ERICH1: variants seen among roughly 807,000 people sequenced by gnomAD.
ERICH1 encodes the protein glutamate rich 1, also known as glutamate-rich protein 1.
In ERICH1, 56 loss-of-function variants were observed where a neutral mutation model predicts 39.6. That is an observed-to-expected ratio of 1.41 (90% CI 1.14 to 1.77). The LOEUF (loss-of-function observed/expected upper bound fraction) is 1.77. Among genes scored for constraint, ERICH1 ranks in the 40% most tolerant of loss-of-function variants. The pLI is 0.00. For missense variants in ERICH1, 826 were observed against 575.4 expected, an observed-to-expected ratio of 1.44 and a Z score of -4.45; for synonymous variants, 313 against 223.6, an observed-to-expected ratio of 1.40 and a Z score of -3.57.
intron 5 of ERICH1, chr8:665,889 A>T (rs1190458503): frequency 6.6e-6 from 1 of 152,310 alleles, no homozygotes; most frequent in Admixed American, 6.5e-5. Flanking sequence ...AGACACAGTG[A>T]CTCATTAAAC....
intron 1 of ERICH1, among the ~76,000 whole-genome samples, chr8:721,242 A>C (rs905244330): frequency 4.6e-5 from 7 of 152,244 alleles, no homozygotes; most frequent in Non-Finnish European, 1.0e-4. Flanking sequence ...AAATAGAAAT[A>C]ATAAAGTATT....
In ERICH1 at chr8:627,877, G is replaced by A. The variant is rs908639996; in HGVS notation, c.977-12593C>T. On this transcript the variant is annotated intron_variant, in intron 3 of 3. Transcript: ENST00000522706. ...ACAGGAGGGTGAGGACCAAGCTCTG[G>A]GCAGATCCCAGCTGCCTCCCCTAGT... Among the ~76,000 whole-genome samples the A allele has an allele frequency of 8.5e-5, 13 of 152,284 alleles. No homozygotes were observed. The East Asian group carries it at 2.5e-3, about 29-fold the overall frequency.
Position 646,799 on chromosome 8 carries a change from G to A in ERICH1, c.976+21799C>T, listed in dbSNP as rs1420285406. On this transcript the variant is annotated intron_variant, in intron 3 of 3. Coordinates refer to the ERICH1 transcript ENST00000522706. The stretch of plus-strand genomic sequence containing the variant: ...GTCTGCTGTGAACAAGAATACAGGC[G>A]ATAGGTGACCTCTGCAAATTCCCTG... 4.3e-5 allele frequency among the ~76,000 whole-genome samples: 3 copies of A among 68,986 alleles called. 1 individual carries two copies. The highest frequency in any genetic ancestry group is 1.1e-4 in the African/African-American group (3 of 27,312). 45.3% of individuals were successfully genotyped at this position (68,986 alleles called of 152,430 possible).
chr8:703,338 C>T (rs527799618), intron 2 of ERICH1, among the ~76,000 whole-genome samples: 49 of 72,708 alleles, frequency 6.7e-4, no homozygotes, highest in African/African-American at 1.6e-3. Context: ...AAATGAAGGA[C>T]AGATGAAAAA....
intron 3 of ERICH1, among the ~76,000 whole-genome samples, chr8:621,339 T>C (rs896587778): frequency 6.6e-6 from 1 of 152,084 alleles, no homozygotes; most frequent in Non-Finnish European, 1.5e-5. Flanking sequence ...TCAATAACCT[T>C]TCTACCTTAA....
chr8:705,535 A>C (rs34412643), intron 2 of ERICH1, among the ~76,000 whole-genome samples: 6,546 of 152,306 alleles, frequency 0.043, 184 homozygotes, highest in Middle Eastern at 0.061. Context: ...CTTCAACATG[A>C]TAAAGGCCAC....
intron 3 of ERICH1, among the ~76,000 whole-genome samples, chr8:648,502 CA>C (rs531723403): frequency 0.47 from 6,434 of 13,756 alleles, 1,841 homozygotes; most frequent in East Asian, 0.74. Context: ...AAAGAAAAAG[CA>C]AAAAAAAAAA....
chr8:668,876 G>C (rs1056005049), intron 4 of ERICH1, 84 bp from the exon 5 acceptor site: 2 of 1,274,274 alleles, frequency 1.6e-6, no homozygotes, highest in Admixed American at 2.5e-5. Context: ...CTTAAGGAAG[G>C]TCTCAAACCT....
intron 3 of ERICH1, chr8:626,772 G>A (rs1157841492): frequency 4.6e-6 from 1 of 218,920 alleles, no homozygotes; most frequent in Non-Finnish European, 9.8e-6. Flanking sequence ...CTGTCTCTCA[G>A]TTGCAGAGTG....
chr8:633,663 A>G (rs1485757831), intron 3 of ERICH1, among the ~76,000 whole-genome samples: 1 of 152,188 alleles, frequency 6.6e-6, no homozygotes, highest in Non-Finnish European at 1.5e-5. Context: ...TGAAAGCATC[A>G]CCGTCCTGAT....
intron 3 of ERICH1, among the ~76,000 whole-genome samples, chr8:630,160 CCA>C (rs1395917310): frequency 7.6e-6 from 1 of 131,068 alleles, no homozygotes; most frequent in South Asian, 2.6e-4. Flanking sequence ...CCGTGACCAC[CCA>C]CACAGACAGA....
At chr8:708,688 T>TGTTG (rs1554526229) in intron 2 of ERICH1, among the ~76,000 whole-genome samples, 2 of 31,778 alleles carry the variant, frequency 6.3e-5, no homozygotes. Flanking sequence ...TGAGTTTTTT[T>TGTTG]TTTTTTTTTT....
chr8:731,182 T>G lies in ERICH1; in HGVS notation c.-21A>C, dbSNP rs1296379261. The G allele has an allele frequency of 8.7e-6, 13 of 1,499,146 alleles. No homozygotes were observed. The Admixed American group carries it at 2.5e-4, about 29-fold the overall frequency. 92.9% of individuals were successfully genotyped at this position (1,499,146 alleles called of 1,614,324 possible). A position where few individuals can be genotyped will look rare whatever the true frequency, so the allele number is the denominator to read the frequency against. ...GCCATGCGGGACCCTGCCGCGGACC[T>G]CAGACCACGGCGCGCGGTCCTGAGC... On this transcript the variant is annotated 5_prime_UTR_variant, in exon 1 of 6. Coordinates refer to ENST00000262109, the MANE Select transcript of ERICH1 (RefSeq NM_207332.3).
chr8:617,682 C>T (rs970327719), intron 3 of ERICH1, among the ~76,000 whole-genome samples: 3 of 151,436 alleles, frequency 2.0e-5, no homozygotes, highest in Non-Finnish European at 2.9e-5. Flanking sequence ...ATCCTCACTG[C>T]CCTCTAAGTG....
In ERICH1 at chr8:729,206, G is replaced by C. The variant is rs918053914; in HGVS notation, c.22+1934C>G. Reference sequence around the variant, plus strand: ...CGCCAACATCCGGCGGTGAATAAACGACGCCAAGTCAGTTCTGTGTGGGGT... The same window carrying C: ...CGCCAACATCCGGCGGTGAATAAACCACGCCAAGTCAGTTCTGTGTGGGGT... On this transcript the variant is annotated intron_variant, in intron 1 of 5. Coordinates refer to ENST00000262109, the MANE Select transcript of ERICH1 (RefSeq NM_207332.3). Among the ~76,000 whole-genome samples the C allele has an allele frequency of 2.6e-5, 4 of 152,288 alleles. No individual in the cohort carries two copies. In the East Asian group the frequency reaches 7.7e-4, roughly 29 times the overall value.
intron 3 of ERICH1, among the ~76,000 whole-genome samples, chr8:621,158 C>T (rs1448037373): frequency 1.3e-5 from 2 of 149,326 alleles, no homozygotes; most frequent in Non-Finnish European, 3.0e-5. Flanking sequence ...AAACAATACA[C>T]TCCTAAATAA....
intron 2 of ERICH1, among the ~76,000 whole-genome samples, chr8:698,697 A>C (rs733934): frequency 0.26 from 38,959 of 151,906 alleles, 5,318 homozygotes; most frequent in Non-Finnish European, 0.3. Flanking sequence ...CTCACTGTCT[A>C]GAGCTCCTGG....
chr8:630,845 C>T (rs1320220700), intron 3 of ERICH1, among the ~76,000 whole-genome samples: 19 of 150,546 alleles, frequency 1.3e-4, no homozygotes, highest in African/African-American at 4.4e-4. Context: ...CTCCCGTGAC[C>T]ACCCACTCAG....
At position 678,433 on chromosome 8, in the gene ERICH1, G is replaced by T. The variant is rs931260033; in HGVS notation, c.305-4386C>A. Among the ~76,000 whole-genome samples the T allele has an allele frequency of 4.6e-5, 7 of 152,194 alleles. No individual in the cohort carries two copies. In the East Asian group the frequency reaches 1.3e-3, roughly 29 times the overall value. Reference sequence around the variant, plus strand: ...AAGTACAATTTAGCCAATGGACACAGAAAGAAACAGAAAATCACAATATTC... The same window carrying T: ...AAGTACAATTTAGCCAATGGACACATAAAGAAACAGAAAATCACAATATTC... On this transcript the variant is annotated intron_variant, in intron 3 of 5. Transcript: ENST00000262109.
Sources: allele counts gnomAD v4.1 joint callset (sites outside exome capture counted in the v4.1 genomes callset), GRCh38; gene constraint gnomAD v4.1.1; transcripts MANE v1.5; gene names NCBI Gene and HGNC (gene_info 2026-07-23, HGNC 2026-07-21).